PCNT: variants seen among roughly 807,000 people sequenced by gnomAD.
PCNT encodes the protein kendrin.
In PCNT, 319 loss-of-function variants were observed where a neutral mutation model predicts 380.4. That is an observed-to-expected ratio of 0.84 (90% CI 0.77 to 0.92). The LOEUF (loss-of-function observed/expected upper bound fraction) is 0.92. Among genes scored for constraint, PCNT ranks in the 40% least tolerant of loss-of-function variants. The pLI, the probability that PCNT is intolerant of heterozygous loss-of-function variation, is 0.00. For missense variants in PCNT, 4,400 were observed against 4,255.3 expected (o/e 1.03, Z -0.95); for synonymous variants, 1,845 against 1,735.2 (o/e 1.06, Z -1.57).
intron 32 of PCNT, among the ~76,000 whole-genome samples, chr21:46,424,962 G>A (rs1172152983): frequency 3.9e-5 from 6 of 152,102 alleles, no homozygotes; most frequent in African/African-American, 1.2e-4. Context: ...AAAATTACAG[G>A]AAAGCCTATT....
intron 27 of PCNT, among the ~76,000 whole-genome samples, chr21:46,408,938 G>A (rs533176521): frequency 9.2e-5 from 14 of 151,930 alleles, no homozygotes; most frequent in African/African-American, 2.4e-4. Context: ...TGGCCAGGCT[G>A]GTCTCGAACT....
chr21:46,411,165 C>T (rs1246828830), intron 27 of PCNT, 24 bp from the exon 28 acceptor site: 1 of 1,610,986 alleles, frequency 6.2e-7, no homozygotes, highest in Non-Finnish European at 8.5e-7. Context: ...TTTAATTTGC[C>T]TCTGAAATGT....
intron 10 of PCNT, 53 bp from the exon 11 acceptor site, chr21:46,353,934 C>T: frequency 6.7e-7 from 1 of 1,486,742 alleles, no homozygotes; most frequent in South Asian, 1.1e-5. Flanking sequence ...GAATGGCGCA[C>T]ACATGGAAAA....
At chr21:46,407,779 G>A (rs1000399462) in intron 27 of PCNT, among the ~76,000 whole-genome samples, 35 of 152,142 alleles carry the variant, frequency 2.3e-4, no homozygotes, top group Admixed American at 1.2e-3. Flanking sequence ...TTATTCTTGA[G>A]TCTGTCTAGC....
At chr21:46,433,473 A>G (rs1241829565) in intron 38 of PCNT, among the ~76,000 whole-genome samples, 1 of 152,108 alleles carries the variant, frequency 6.6e-6, no homozygotes, top group Non-Finnish European at 1.5e-5. Flanking sequence ...TGGTACAGAC[A>G]GTGTGGCCAA....
At chr21:46,399,464 C>T in intron 24 of PCNT, 126 bp from the exon 25 acceptor site, 1 of 711,778 alleles carries the variant, frequency 1.4e-6, no homozygotes, top group Non-Finnish European at 2.5e-6. Flanking sequence ...CTAGGTCTCC[C>T]TTTGGGTCTA....
chr21:46,430,293 T>A, intron 36 of PCNT, 61 bp downstream of exon 36: 1 of 1,519,600 alleles, frequency 6.6e-7, no homozygotes, highest in Non-Finnish European at 9.0e-7. Context: ...CCATGTTTTC[T>A]TGGTGATGAA....
intron 28 of PCNT, 83 bp downstream of exon 28, chr21:46,412,150 T>G: frequency 1.4e-6 from 2 of 1,454,162 alleles, no homozygotes; most frequent in African/African-American, 1.4e-5. Context: ...CTCTCTGCGC[T>G]GGGCACTGGG....
At chr21:46,340,354 C>G (rs533788131) in intron 3 of PCNT, among the ~76,000 whole-genome samples, 40 of 152,328 alleles carry the variant, frequency 2.6e-4, no homozygotes, top group African/African-American at 8.2e-4. Context: ...AATCATATCA[C>G]ATACGTATAG....
intron 15 of PCNT, among the ~76,000 whole-genome samples, chr21:46,368,729 A>T (rs2085016756): frequency 6.6e-6 from 1 of 152,202 alleles, no homozygotes; most frequent in South Asian, 2.1e-4. Context: ...CAGGAAGGGG[A>T]TGCATAGGCC....
intron 3 of PCNT, among the ~76,000 whole-genome samples, chr21:46,342,115 A>G (rs1269161137): frequency 6.6e-6 from 1 of 150,826 alleles, no homozygotes; most frequent in Non-Finnish European, 1.5e-5. Context: ...CTAATTTTTT[A>G]TTTTTAGTAG....
chr21:46,364,250 G>A (rs572827019), intron 14 of PCNT, among the ~76,000 whole-genome samples: 14 of 151,852 alleles, frequency 9.2e-5, no homozygotes, highest in African/African-American at 2.9e-4. Context: ...GTGCTCGGAC[G>A]GGCAGGCTGG....
At position 46,428,479 on chromosome 21, in the gene PCNT, C is replaced by T; in HGVS notation, c.7579C>T (p.Gln2527Ter). 3 of 1,612,342 alleles carry T rather than the reference C, an allele frequency of 1.9e-6. No homozygotes were observed. Among genetic ancestry groups the T allele is most frequent in the Non-Finnish European group, 2.5e-6 (3 of 1,179,808 alleles). ...LLSEIQALRA[Q>*]LRMTHLQNQE... ...GTCCGAGATCCAGGCGCTGCGTGCC[C>T]AGCTGCGCATGACGCACCTGCAGAA... Residue 2527 changes from glutamine (Q) to a stop codon, truncating the protein, a stop_gained, in exon 35 of 47, where the codon CAG becomes TAG. Transcript: ENST00000359568. LOFTEE classifies it high-confidence loss of function.
At chr21:46,383,435 A>G (rs376072425) in intron 16 of PCNT, among the ~76,000 whole-genome samples, 4,728 of 143,326 alleles carry the variant, frequency 0.033, 2 homozygotes, top group Middle Eastern at 0.08. Flanking sequence ...GCAGAAGCGC[A>G]TTCACGGTGT....
intron 41 of PCNT, among the ~76,000 whole-genome samples, chr21:46,438,748 C>T (rs982121332): frequency 1.3e-5 from 2 of 148,430 alleles, no homozygotes; most frequent in Non-Finnish European, 3.0e-5. Flanking sequence ...TCTCAGCTCA[C>T]TGCAACCTCC....
At chr21:46,432,398 AG>A (rs2087807751) in intron 38 of PCNT, among the ~76,000 whole-genome samples, 183 bp downstream of exon 38, 1 of 152,376 alleles carries the variant, frequency 6.6e-6, no homozygotes, top group South Asian at 2.1e-4. Context: ...TATTGAAATC[AG>A]GAAGTGTGAG....
rs2083657655 is a variant in PCNT at position 46,334,262 on chromosome 21, T to C, written c.268-135T>C. On this transcript the variant is annotated intron_variant, in intron 2 of 46. Coordinates refer to ENST00000359568, the MANE Select transcript of PCNT (RefSeq NM_006031.6). ...AATTGTTAATGCGGAAGGTGCACGTTCTGAACAGGTGGAAGTGAGCTCTAC... is the reference window on the plus strand; with the variant it reads ...AATTGTTAATGCGGAAGGTGCACGTCCTGAACAGGTGGAAGTGAGCTCTAC... The C allele has an allele frequency of 9.0e-6, 11 of 1,218,654 alleles. No individual in the cohort carries two copies. In the Admixed American group the frequency reaches 1.9e-4, roughly 21 times the overall value. 75.5% of individuals were successfully genotyped at this position (1,218,654 alleles called of 1,614,324 possible).
In PCNT at chr21:46,445,288, T is replaced by C. The variant is rs775809859; in HGVS notation, c.9972T>C (p.Ser3324=). The C allele has an allele frequency of 6.2e-7, 1 of 1,606,336 alleles. No homozygotes were observed. Among genetic ancestry groups the C allele is most frequent in the Non-Finnish European group, 8.5e-7 (1 of 1,172,812 alleles). The change falls in exon 47 of 47, where the codon TCT becomes TCC. Residue 3324 remains serine, a synonymous_variant. Coordinates refer to ENST00000359568, the MANE Select transcript of PCNT (RefSeq NM_006031.6). ...CTCATTTTTATTTATATGCAGATTC[T>C]ACTTCAAAGAAATCCTGCCACCCGA... ...QQRLGGVLPD[S]TSKKSCHPMI... is the part of the protein sequence containing the mutation.
At chr21:46,337,830 C>A (rs544690588) in intron 3 of PCNT, among the ~76,000 whole-genome samples, 1 of 152,072 alleles carries the variant, frequency 6.6e-6, no homozygotes, top group Admixed American at 6.6e-5. Context: ...GATCCGCCCC[C>A]ACCTCGGCCT....
Sources: allele counts gnomAD v4.1 joint callset (sites outside exome capture counted in the v4.1 genomes callset), GRCh38; gene constraint gnomAD v4.1.1; transcripts MANE v1.5; gene names NCBI Gene and HGNC (gene_info 2026-07-23, HGNC 2026-07-21).